The following CFAP44 variants were observed in gnomAD, a reference collection of about 807,000 sequenced individuals.
CFAP44 encodes cilia- and flagella-associated protein 44.
CFAP44 carries 134 observed loss-of-function variants against 216.2 expected under a neutral mutation model. The ratio of observed to expected loss-of-function variants is 0.62; its 90% CI spans 0.54 to 0.72. The LOEUF (loss-of-function observed/expected upper bound fraction) is 0.72, where lower values mean the gene tolerates loss of function less well. Among genes scored for constraint, CFAP44 ranks in the 30% least tolerant of loss-of-function variants. The pLI, the probability that CFAP44 is intolerant of heterozygous loss-of-function variation, is 0.00. For synonymous variants in CFAP44, 700 were observed against 727.6 expected, an observed-to-expected ratio of 0.96 and a Z score of 0.61; for missense variants, 2,035 against 2,182.1, an observed-to-expected ratio of 0.93 and a Z score of 1.34.
At chr3:113,301,492 T>A (rs867179410) in intron 32 of CFAP44, among the ~76,000 whole-genome samples, 9 of 152,164 alleles carry the variant, frequency 5.9e-5, no homozygotes, top group Non-Finnish European at 1.3e-4. Flanking sequence ...CTTATATGTA[T>A]GTTCCACATA....
intron 15 of CFAP44, among the ~76,000 whole-genome samples, chr3:113,386,266 C>A (rs1933647605): frequency 6.6e-6 from 1 of 152,148 alleles, no homozygotes; most frequent in Non-Finnish European, 1.5e-5. Flanking sequence ...TTTTTCATCT[C>A]TTCACTTTCA....
rs1042030426 is a variant in CFAP44 at position 113,344,548 on chromosome 3, C to T, written c.3230G>A (p.Gly1077Glu). The change falls in exon 23 of 35, where the codon GGA becomes GAA. Residue 1077 changes from glycine (G) to glutamate (E), a missense_variant. Transcript: ENST00000393845. Reference sequence around the variant, plus strand: ...TCTCTGGCTGTCCTTTCTTCCAGGTCCCTCTTTTTCAAACCTGTCCAATTT... The same window carrying T: ...TCTCTGGCTGTCCTTTCTTCCAGGTTCCTCTTTTTCAAACCTGTCCAATTT... ...PSKLDRFEKE[G>E]PGRKDSQRDA... 6.5e-7 allele frequency: 1 copy of T among 1,536,814 alleles called. No homozygotes were observed. The highest frequency in any genetic ancestry group is 8.7e-7 in the Non-Finnish European group (1 of 1,146,796).
intron 28 of CFAP44, among the ~76,000 whole-genome samples, chr3:113,313,397 T>C (rs888501972): frequency 6.6e-6 from 1 of 152,142 alleles, no homozygotes; most frequent in Admixed American, 6.5e-5. Context: ...TACAGGCTCA[T>C]AGACAGAAGA....
At chr3:113,356,518 T>TA (rs1553756115) in intron 22 of CFAP44, among the ~76,000 whole-genome samples, 1 of 152,106 alleles carries the variant, frequency 6.6e-6, no homozygotes. Flanking sequence ...TGAGATAGAA[T>TA]AAAGAGTTCA....
At chr3:113,312,864 G>C (rs1463348470) in intron 28 of CFAP44, among the ~76,000 whole-genome samples, 1 of 152,180 alleles carries the variant, frequency 6.6e-6, no homozygotes, top group East Asian at 1.9e-4. Flanking sequence ...CCTCCGCCTA[G>C]ATTTCAGAGG....
At chr3:113,352,392 C>G (rs568465576) in intron 22 of CFAP44, among the ~76,000 whole-genome samples, 48 of 152,294 alleles carry the variant, frequency 3.2e-4, no homozygotes, top group African/African-American at 1.1e-3. Flanking sequence ...CTCTTTGGGT[C>G]TGCACCACCT....
At chr3:113,434,804 A>G (rs933460217) in intron 1 of CFAP44, 1 of 152,226 alleles carries the variant, frequency 6.6e-6, no homozygotes, top group African/African-American at 2.4e-5. Context: ...AAAACTTTTT[A>G]CAAGCCTGCT....
intron 6 of CFAP44, among the ~76,000 whole-genome samples, chr3:113,411,772 G>A (rs1456777657): frequency 6.6e-6 from 1 of 152,202 alleles, no homozygotes. Context: ...TCCTATCCAT[G>A]AGCATGGAAT....
chr3:113,392,483 A>G (rs559001462), intron 15 of CFAP44, among the ~76,000 whole-genome samples: 1 of 152,238 alleles, frequency 6.6e-6, no homozygotes, highest in South Asian at 2.1e-4. Flanking sequence ...TGAATAAGAT[A>G]TAGTATTTAT....
At chr3:113,305,661 C>A (rs1020418030) in intron 30 of CFAP44, among the ~76,000 whole-genome samples, 1 of 152,140 alleles carries the variant, frequency 6.6e-6, no homozygotes, top group Non-Finnish European at 1.5e-5. Flanking sequence ...TATTTCTGAA[C>A]ATGAATGAAG....
At chr3:113,347,703 G>A (rs1559918939) in intron 22 of CFAP44, among the ~76,000 whole-genome samples, 1 of 152,154 alleles carries the variant, frequency 6.6e-6, no homozygotes, top group Non-Finnish European at 1.5e-5. Flanking sequence ...AGGATGTGGG[G>A]AGCTTCAGAA....
At chr3:113,292,211 G>T (rs567693498) in intron 34 of CFAP44, among the ~76,000 whole-genome samples, 22 of 152,128 alleles carry the variant, frequency 1.4e-4, no homozygotes, top group African/African-American at 4.8e-4. Context: ...CCTGCTTTCT[G>T]TTTTATCGAA....
At chr3:113,369,574 A>C (rs1430066404) in intron 18 of CFAP44, among the ~76,000 whole-genome samples, 1 of 152,244 alleles carries the variant, frequency 6.6e-6, no homozygotes, top group African/African-American at 2.4e-5. Context: ...GACACATTTA[A>C]AGCAGTGTGT....
chr3:113,306,199 A>G lies in CFAP44; in HGVS notation c.4758+2T>C, dbSNP rs1576539002. On this transcript the variant is annotated splice_donor_variant, in intron 30 of 34. Transcript: ENST00000393845. LOFTEE classifies it high-confidence loss of function. ...GATAAATAAGTAAACAGATCACCATACTTTTTTTGACAATGTATCATATTC... is the reference window on the plus strand; with the variant it reads ...GATAAATAAGTAAACAGATCACCATGCTTTTTTTGACAATGTATCATATTC... 1 of 1,535,246 alleles carries G rather than the reference A, an allele frequency of 6.5e-7. No individual in the cohort carries two copies. The highest frequency in any genetic ancestry group is 8.7e-7 in the Non-Finnish European group (1 of 1,146,232).
chr3:113,393,042 C>G (rs1933888353), intron 15 of CFAP44, among the ~76,000 whole-genome samples: 2 of 152,146 alleles, frequency 1.3e-5, no homozygotes, highest in South Asian at 2.1e-4. Context: ...CAGAATGGCT[C>G]TGTGTGTACA....
chr3:113,401,476 C>T, intron 10 of CFAP44, 108 bp downstream of exon 10: 1 of 1,360,902 alleles, frequency 7.3e-7, no homozygotes, highest in Non-Finnish European at 1.0e-6. Flanking sequence ...AATAAGCAAT[C>T]TCATAACACT....
intron 2 of CFAP44, 199 bp from the exon 3 acceptor site, chr3:113,427,538 A>G: frequency 2.1e-6 from 1 of 481,780 alleles, no homozygotes; most frequent in Admixed American, 4.1e-5. Flanking sequence ...GTTAATCTCC[A>G]TTTTCACTTC....
chr3:113,306,086 G>A, intron 30 of CFAP44, 115 bp downstream of exon 30: 2 of 1,288,806 alleles, frequency 1.6e-6, no homozygotes, highest in Non-Finnish European at 2.0e-6. Context: ...CTTAACATTT[G>A]AAATGTTTCT....
chr3:113,360,402 G>A, intron 21 of CFAP44: 1 of 230,518 alleles, frequency 4.3e-6, no homozygotes, highest in South Asian at 7.7e-5. Flanking sequence ...TGTCTATTGG[G>A]GTTTGACAGT....
Sources: gnomAD v4.1 joint callset for allele counts (sites outside exome capture counted in the v4.1 genomes callset) on GRCh38, gnomAD v4.1.1 for gene constraint, MANE v1.5 for transcripts, NCBI Gene and HGNC (gene_info 2026-07-23, HGNC 2026-07-21) for gene names.